Variants in CFHR3 observed in about 807,000 individuals in gnomAD.
CFHR3 encodes the protein complement factor H related 3, also known as complement factor H-related protein 3.
A neutral mutation model predicts 36.0 loss-of-function variants in CFHR3; 22 were observed. That is an observed-to-expected ratio of 0.61 (90% CI 0.44 to 0.87). The LOEUF is 0.87. CFHR3 is among the 40% of genes least tolerant of loss of function. The pLI, the probability that CFHR3 is intolerant of heterozygous loss-of-function variation, is 0.00. For synonymous variants in CFHR3, 97 were observed against 137.4 expected, an observed-to-expected ratio of 0.71 and a Z score of 2.06; for missense variants, 276 against 401.3, an observed-to-expected ratio of 0.69 and a Z score of 2.67.
chr1:196,777,509 C>T lies in CFHR3; in HGVS notation c.59-1653C>T, dbSNP rs774147422. The stretch of plus-strand genomic sequence containing the variant: ...GAAGCTGGCTTCTGTGTATATTTCA[C>T]GTGTCCCCATTACACTTTGGCATAA... On this transcript the variant is annotated intron_variant, in intron 1 of 5. Transcript: ENST00000367425. 7.3e-5 allele frequency among the ~76,000 whole-genome samples: 10 copies of T among 136,392 alleles called. 2 individuals carry two copies. The highest frequency in any genetic ancestry group is 1.4e-4 in the Non-Finnish European group (9 of 64,458). The allele number at this position is 136,392 out of a possible 152,430, so 89.5% of individuals were successfully genotyped here. A position where few individuals can be genotyped will look rare whatever the true frequency, so the allele number is the denominator to read the frequency against.
At chr1:196,780,634 C>T (rs1477880806) in intron 3 of CFHR3, among the ~76,000 whole-genome samples, 1 of 135,830 alleles carries the variant, frequency 7.4e-6, no homozygotes, top group Non-Finnish European at 1.6e-5. Flanking sequence ...TTGGAATCAT[C>T]TTAATAATTC....
At chr1:196,790,892 G>T in intron 5 of CFHR3, among the ~76,000 whole-genome samples, 1 of 135,720 alleles carries the variant, frequency 7.4e-6, no homozygotes, top group Admixed American at 7.1e-5. Flanking sequence ...ACCATTTATT[G>T]CGCACATATG....
intron 1 of CFHR3, 43 bp downstream of exon 1, chr1:196,774,987 G>A: frequency 7.3e-7 from 1 of 1,375,812 alleles, no homozygotes; most frequent in Non-Finnish European, 1.0e-6. Context: ...CCTCTTAAAT[G>A]TAACTTCATG....
rs2124851810 is a variant in CFHR3 at position 196,784,542 on chromosome 1, C to T, written c.431-3674C>T. Among the ~76,000 whole-genome samples, 3 of 136,228 alleles carry T rather than the reference C, an allele frequency of 2.2e-5. 1 individual carries two copies. Among genetic ancestry groups the T allele is most frequent in the Admixed American group, 2.1e-4 (3 of 14,168 alleles). The allele number at this position is 136,228 out of a possible 152,430, so 89.4% of individuals were successfully genotyped here. On this transcript the variant is annotated intron_variant, in intron 3 of 5. Transcript: ENST00000367425. ...TTAGCTCTTCTTGTTGAATTGATCCCTTTACCATTATGTAATGGCCTTCTT... is the reference window on the plus strand; with the variant it reads ...TTAGCTCTTCTTGTTGAATTGATCCTTTTACCATTATGTAATGGCCTTCTT...
At position 196,789,746 on chromosome 1, in the gene CFHR3, C is replaced by T; in HGVS notation, c.614-299C>T. 6.4e-6 allele frequency: 9 copies of T among 1,410,364 alleles called. 2 individuals are homozygous for T. Among genetic ancestry groups the T allele is most frequent in the Middle Eastern group, 2.2e-4 (1 of 4,494 alleles). 87.4% of individuals were successfully genotyped at this position (1,410,364 alleles called of 1,614,324 possible). On this transcript the variant is annotated intron_variant, in intron 4 of 5. Coordinates refer to ENST00000367425, the MANE Select transcript of CFHR3 (RefSeq NM_021023.6). The stretch of plus-strand genomic sequence containing the variant: ...TGGTGAAGATGGGTAGTCCCATTTC[C>T]CAACATGTTATAGTAAGTATTTTAT...
At position 196,783,030 on chromosome 1, in the gene CFHR3, C is replaced by T. The variant is rs1265584648; in HGVS notation, c.430+3057C>T. Among the ~76,000 whole-genome samples the T allele has an allele frequency of 2.9e-5, 4 of 136,948 alleles. 1 individual carries two copies. The highest frequency in any genetic ancestry group is 5.1e-4 in the South Asian group (2 of 3,920). 89.8% of individuals were successfully genotyped at this position (136,948 alleles called of 152,430 possible). On this transcript the variant is annotated intron_variant, in intron 3 of 5. Coordinates refer to ENST00000367425, the MANE Select transcript of CFHR3 (RefSeq NM_021023.6). ...AGCATGAAGCGTTGTTGAATTTTGT[C>T]AAAGGCCTTTTCTGCATCTATTGAG...
rs966177292 is a variant in CFHR3, at chr1:196,775,611, C to T, written c.58+667C>T. On this transcript the variant is annotated intron_variant, in intron 1 of 5. Transcript: ENST00000367425. ...AATATACAGAAAATACTTTTCATAG[C>T]GTTATGTCATTGTTCACTGATTTCT... is the stretch of plus-strand genomic sequence containing the variant. 7.3e-5 allele frequency among the ~76,000 whole-genome samples: 10 copies of T among 136,608 alleles called. 4 individuals carry two copies. Among genetic ancestry groups the T allele is most frequent in the African/African-American group, 3.0e-4 (10 of 32,826 alleles). The allele number at this position is 136,608 out of a possible 152,430, so 89.6% of individuals were successfully genotyped here.
intron 1 of CFHR3, among the ~76,000 whole-genome samples, chr1:196,777,982 TAAA>T (rs202127437): frequency 0.33 from 29,236 of 89,842 alleles, 7,144 homozygotes; most frequent in East Asian, 0.54. Flanking sequence ...ACAAGACTGT[TAAA>T]AAAAAAAAAA....
In CFHR3 at chr1:196,784,588, G is replaced by A. The variant is rs1176626072; in HGVS notation, c.431-3628G>A. The stretch of plus-strand genomic sequence containing the variant: ...TTCTTTGTCTCTTTTGATCTTTGTT[G>A]GTTTAAAGTTTGTTTCATCAGAGAC... On this transcript the variant is annotated intron_variant, in intron 3 of 5. Transcript: ENST00000367425. Among the ~76,000 whole-genome samples, 16 of 135,710 alleles carry A rather than the reference G, an allele frequency of 1.2e-4. 4 individuals are homozygous for A. The highest frequency in any genetic ancestry group is 2.2e-4 in the Non-Finnish European group (14 of 64,268). 89.0% of individuals were successfully genotyped at this position (135,710 alleles called of 152,430 possible). A position where few individuals can be genotyped will look rare whatever the true frequency, so the allele number is the denominator to read the frequency against.
rs987329814 is a variant in CFHR3, at chr1:196,786,303, C to A, written c.431-1913C>A. The stretch of plus-strand genomic sequence containing the variant: ...CTGCCCGTTCTCAGATCTCCAGCTG[C>A]GTGCTGGGAGAACCACTGCTCTCTT... On this transcript the variant is annotated intron_variant, in intron 3 of 5. Transcript: ENST00000367425. Among the ~76,000 whole-genome samples, 21 of 135,018 alleles carry A rather than the reference C, an allele frequency of 1.6e-4. 3 individuals are homozygous for A. Among genetic ancestry groups the A allele is most frequent in the Non-Finnish European group, 2.5e-4 (16 of 64,098 alleles). The allele number at this position is 135,018 out of a possible 152,430, so 88.6% of individuals were successfully genotyped here. A position where few individuals can be genotyped will look rare whatever the true frequency, so the allele number is the denominator to read the frequency against.
Position 196,779,340 on chromosome 1 carries a change from A to T in CFHR3, c.237A>T (p.Pro79=). ...YIHCTQNGWS[P]AVPCLRKCYF... ...ATTGCACACAAAATGGGTGGTCACC[A>T]GCAGTACCATGTCTCAGTAAGTAAT... The change falls in exon 2 of 6, where the codon CCA becomes CCT. Residue 79 remains proline, a synonymous_variant. Coordinates refer to ENST00000367425, the MANE Select transcript of CFHR3 (RefSeq NM_021023.6). 2 of 1,517,454 alleles carry T rather than the reference A, an allele frequency of 1.3e-6. 1 individual carries two copies. Among genetic ancestry groups the T allele is most frequent in the South Asian group, 2.5e-5 (2 of 80,260 alleles). 94.0% of individuals were successfully genotyped at this position (1,517,454 alleles called of 1,614,324 possible). A position where few individuals can be genotyped will look rare whatever the true frequency, so the allele number is the denominator to read the frequency against.
In CFHR3 at chr1:196,794,712, C is replaced by T. The variant is rs2124868338; in HGVS notation, c.*1199C>T. 3.5e-6 allele frequency: 1 copy of T among 285,882 alleles called. No homozygotes were observed. The highest frequency in any genetic ancestry group is 1.0e-4 in the East Asian group (1 of 9,938). 17.7% of individuals were successfully genotyped at this position (285,882 alleles called of 1,614,324 possible). A position where few individuals can be genotyped will look rare whatever the true frequency, so the allele number is the denominator to read the frequency against. On this transcript the variant is annotated 3_prime_UTR_variant, in exon 6 of 6. Coordinates refer to ENST00000367425, the MANE Select transcript of CFHR3 (RefSeq NM_021023.6). ...GGATTTTTTGAAAAGATTGTATATC[C>T]CTGTTAACAAATTGAAATCTCTATT...
intron 3 of CFHR3, among the ~76,000 whole-genome samples, chr1:196,787,114 A>T (rs1246816177): frequency 7.3e-6 from 1 of 137,426 alleles, no homozygotes; most frequent in African/African-American, 3.0e-5. Context: ...CCGCATAATA[A>T]TTATGGAATA....
chr1:196,781,829 G>A (rs1248695114), intron 3 of CFHR3, among the ~76,000 whole-genome samples: 23 of 132,538 alleles, frequency 1.7e-4, no homozygotes, highest in Admixed American at 3.6e-4. Flanking sequence ...TGTCAATTTT[G>A]GCTTTTGTTG....
chr1:196,787,784 C>T (rs1199691041), intron 3 of CFHR3, among the ~76,000 whole-genome samples: 1 of 137,156 alleles, frequency 7.3e-6, no homozygotes, highest in Non-Finnish European at 1.5e-5. Context: ...TACAAAATTA[C>T]TTTCTTGCCT....
rs112152900 is a variant in CFHR3, at chr1:196,793,824, C to G, written c.*311C>G. The G allele has an allele frequency of 0.014, 2,820 of 199,058 alleles. 711 individuals are homozygous for G. Among genetic ancestry groups the G allele is most frequent in the African/African-American group, 0.074 (2,438 of 33,066 alleles). 12.3% of individuals were successfully genotyped at this position (199,058 alleles called of 1,614,324 possible). A position where few individuals can be genotyped will look rare whatever the true frequency, so the allele number is the denominator to read the frequency against. ...CTGCATATTGTATAGTATACCTAGACATAGAAACAAAATGACTTTAGATTT... is the reference window on the plus strand; with the variant it reads ...CTGCATATTGTATAGTATACCTAGAGATAGAAACAAAATGACTTTAGATTT... On this transcript the variant is annotated 3_prime_UTR_variant, in exon 6 of 6. Transcript: ENST00000367425.
In CFHR3 at chr1:196,795,024, T is replaced by TA. The variant is rs1654539439; in HGVS notation, c.*1517dup. Reference sequence around the variant, plus strand: ...TTTGCAGAGACTGGAGAATAAAAAGTAAAAAATTGTTTTATTAATTCCAGT... The same window carrying TA: ...TTTGCAGAGACTGGAGAATAAAAAGTAAAAAAATTGTTTTATTAATTCCAGT... On this transcript the variant is annotated 3_prime_UTR_variant, in exon 6 of 6. Coordinates refer to ENST00000367425, the MANE Select transcript of CFHR3 (RefSeq NM_021023.6). 1 of 136,834 alleles carries TA rather than the reference T, an allele frequency of 7.3e-6. No individual in the cohort carries two copies. Among genetic ancestry groups the TA allele is most frequent in the Admixed American group, 7.0e-5 (1 of 14,190 alleles). 8.5% of individuals were successfully genotyped at this position (136,834 alleles called of 1,614,324 possible).
At chr1:196,783,152 A>C (rs112660387) in intron 3 of CFHR3, among the ~76,000 whole-genome samples, 82,511 of 134,656 alleles carry the variant, frequency 0.61, 31,948 homozygotes, top group East Asian at 0.95. Context: ...CGGGATGAAG[A>C]CCACTTGATC....
Position 196,793,664 on chromosome 1 carries a change from T to G in CFHR3, c.*151T>G. The G allele has an allele frequency of 2.8e-6, 2 of 724,394 alleles. No individual in the cohort carries two copies. Among genetic ancestry groups the G allele is most frequent in the Non-Finnish European group, 4.2e-6 (2 of 472,424 alleles). 44.9% of individuals were successfully genotyped at this position (724,394 alleles called of 1,614,324 possible). On this transcript the variant is annotated 3_prime_UTR_variant, in exon 6 of 6. Transcript: ENST00000367425. ...AATATAATAGTTTCAATTTGCAACT[T>G]AATATATTCTCAAAAATATATTAAA...
Sources: gnomAD v4.1 joint callset for allele counts (sites outside exome capture counted in the v4.1 genomes callset) on GRCh38, gnomAD v4.1.1 for gene constraint, MANE v1.5 for transcripts, NCBI Gene and HGNC (gene_info 2026-07-23, HGNC 2026-07-21) for gene names.